The following ZP4 variants were observed in gnomAD, a reference collection of about 807,000 sequenced individuals.
ZP4 encodes zona pellucida glycoprotein 4.
Under a neutral mutation model 62.3 loss-of-function variants are expected in ZP4, and 62 were observed. That is an observed-to-expected ratio of 0.99 (90% CI 0.81 to 1.23). The LOEUF is 1.23. Among genes scored for constraint, ZP4 ranks in the 50% most tolerant of loss-of-function variants. The pLI is 0.00. For missense variants in ZP4, 774 were observed against 656.0 expected, an observed-to-expected ratio of 1.18 and a Z score of -1.97; for synonymous variants, 289 against 247.3, an observed-to-expected ratio of 1.17 and a Z score of -1.58.
At chr1:237,886,478 A>G (rs1665104875) in intron 6 of ZP4, among the ~76,000 whole-genome samples, 1 of 152,144 alleles carries the variant, frequency 6.6e-6, no homozygotes, top group Non-Finnish European at 1.5e-5. Context: ...ACAGTGGAGA[A>G]GGCCAGATGT....
In ZP4 at chr1:237,887,449, C is replaced by T. The variant is rs536187390; in HGVS notation, c.666G>A (p.Ala222=). The T allele has an allele frequency of 2.0e-5, 32 of 1,614,172 alleles. No homozygotes were observed. In the East Asian group the frequency reaches 2.0e-4, roughly 10 times the overall value. ...SVRLALRNDS[A]CNPVMATQAF... ...CTTGTGTTGCCATCACAGGGTTACA[C>T]GCACTGTCATTCCTAAGGGCCAAGC... Residue 222 remains alanine (A), a synonymous_variant, in exon 5 of 12, where the codon GCG becomes GCA. Transcript: ENST00000366570.
chr1:237,883,649 AGGGC>A (rs1664973898), intron 10 of ZP4, among the ~76,000 whole-genome samples: 2 of 6,494 alleles, frequency 3.1e-4, no homozygotes, highest in East Asian at 0.011. Flanking sequence ...AGGGCGGGGG[AGGGC>A]GGGGGAGGGC....
intron 10 of ZP4, 149 bp downstream of exon 10, chr1:237,884,620 G>A: frequency 1.5e-6 from 1 of 661,988 alleles, no homozygotes; most frequent in Non-Finnish European, 2.6e-6. Context: ...TGGGAAGCTA[G>A]TCATCTTTGT....
intron 6 of ZP4, among the ~76,000 whole-genome samples, chr1:237,886,485 A>T (rs1665105067): frequency 6.6e-6 from 1 of 152,098 alleles, no homozygotes; most frequent in Non-Finnish European, 1.5e-5. Flanking sequence ...AGAAGGCCAG[A>T]TGTAGAATGG....
chr1:237,890,675 C>A lies in ZP4; in HGVS notation c.-40G>T. 1.3e-6 allele frequency: 2 copies of A among 1,591,960 alleles called. No homozygotes were observed. The highest frequency in any genetic ancestry group is 1.7e-6 in the Non-Finnish European group (2 of 1,168,792). ...TTCCTGCCGGCTGCAGACTCTCCGCCTCCTCTCCCAAGAGCCGAGGGTCTG... is the reference window on the plus strand; with the variant it reads ...TTCCTGCCGGCTGCAGACTCTCCGCATCCTCTCCCAAGAGCCGAGGGTCTG... On this transcript the variant is annotated 5_prime_UTR_variant, in exon 1 of 12. In the 5' UTR this introduces an upstream ATG that the reference lacks. Coordinates refer to ENST00000366570, the MANE Select transcript of ZP4 (RefSeq NM_021186.5).
chr1:237,889,777 A>C, intron 3 of ZP4, 90 bp downstream of exon 3: 1 of 1,108,654 alleles, frequency 9.0e-7, no homozygotes, highest in South Asian at 1.3e-5. Flanking sequence ...GTCAGGTGTC[A>C]CTGCACAGAG....
rs1665068535 is a variant in ZP4 at position 237,885,222 on chromosome 1, G to A, written c.1254C>T (p.Ser418=). The A allele has an allele frequency of 6.2e-7, 1 of 1,614,188 alleles. No homozygotes were observed. Among genetic ancestry groups the A allele is most frequent in the Non-Finnish European group, 8.5e-7 (1 of 1,180,046 alleles). Residue 418 remains serine (S), a synonymous_variant, in exon 9 of 12, where the codon AGC becomes AGT. Coordinates refer to ENST00000366570, the MANE Select transcript of ZP4 (RefSeq NM_021186.5). The part of the protein sequence containing the change: ...LPFPSHHQRF[S]IFTFSFVNPT... ...GGTTCACAAAGCTGAAGGTGAAGATGCTGAAGCGCTGGTGGTGAGAGGGAA... is the reference window on the plus strand; with the variant it reads ...GGTTCACAAAGCTGAAGGTGAAGATACTGAAGCGCTGGTGGTGAGAGGGAA...
chr1:237,883,993 C>CAA lies in ZP4; in HGVS notation c.1390+775_1390+776insTT, dbSNP rs1400039389. The stretch of plus-strand genomic sequence containing the variant: ...ACACACACACACACAAACACACACA[C>CAA]ACACACACACACACACACACACAAA... On this transcript the variant is annotated intron_variant, in intron 10 of 11. Transcript: ENST00000366570. 1.8e-4 allele frequency among the ~76,000 whole-genome samples: 15 copies of CAA among 82,308 alleles called. 1 individual carries two copies. The highest frequency in any genetic ancestry group is 4.2e-4 in the African/African-American group (8 of 18,854). The allele number at this position is 82,308 out of a possible 152,430, so 54.0% of individuals were successfully genotyped here.
chr1:237,887,227 G>T, intron 5 of ZP4, 147 bp downstream of exon 5: 1 of 868,042 alleles, frequency 1.2e-6, no homozygotes, highest in Non-Finnish European at 1.8e-6. Flanking sequence ...TCAGTGATGA[G>T]GCATTCTCCT....
chr1:237,885,846 G>C lies in ZP4; in HGVS notation c.880C>G (p.Leu294Val), dbSNP rs1230984183. 6.2e-7 allele frequency: 1 copy of C among 1,614,078 alleles called. No individual in the cohort carries two copies. The highest frequency in any genetic ancestry group is 1.1e-5 in the South Asian group (1 of 91,086). The part of the protein sequence containing the change: ...SCSYSVSSNS[L>V]PINVQVFTLP... ...GTGAAAACCTGGACATTGATTGGGA[G>C]AGAGTTGCTACTTACTGAGTAGCTG... The change falls in exon 7 of 12, where the codon CTC becomes GTC. Residue 294 changes from leucine (L) to valine (V), a missense_variant. Leu to Val is a conservative substitution (Grantham distance 32). Transcript: ENST00000366570.
chr1:237,885,098 C>T, intron 9 of ZP4, 67 bp downstream of exon 9: 1 of 1,575,254 alleles, frequency 6.3e-7, no homozygotes, highest in Non-Finnish European at 8.6e-7. Context: ...AGTAGTAGGA[C>T]ATGGAAACAG....
chr1:237,887,233 C>T, intron 5 of ZP4, 141 bp downstream of exon 5: 1 of 949,466 alleles, frequency 1.1e-6, no homozygotes, highest in Non-Finnish European at 1.6e-6. Context: ...ATGAGGCATT[C>T]TCCTGCCCTA....
chr1:237,883,108 T>C (rs552167507), intron 10 of ZP4, among the ~76,000 whole-genome samples: 12 of 152,322 alleles, frequency 7.9e-5, no homozygotes, highest in African/African-American at 2.9e-4. Context: ...ACTTTGACAG[T>C]ATCATGTTTA....
chr1:237,883,929 C>T (rs184597390), intron 10 of ZP4, among the ~76,000 whole-genome samples: 5 of 150,662 alleles, frequency 3.3e-5, no homozygotes, highest in African/African-American at 1.2e-4. Context: ...CATTGTACTC[C>T]AACCTGCATG....
chr1:237,889,973 G>A lies in ZP4; in HGVS notation c.298-4C>T. ...CTGGCATGATGTAGTGGGAGTCCTG[G>A]AGAGACAGGCCCTTGGGGGTCAGCC... On this transcript the variant is annotated splice_polypyrimidine_tract_variant and splice_region_variant and intron_variant, in intron 2 of 11. Coordinates refer to ENST00000366570, the MANE Select transcript of ZP4 (RefSeq NM_021186.5). 1 of 1,614,140 alleles carries A rather than the reference G, an allele frequency of 6.2e-7. No homozygotes were observed. Among genetic ancestry groups the A allele is most frequent in the Non-Finnish European group, 8.5e-7 (1 of 1,180,020 alleles).
At chr1:237,884,945 GA>G (rs1280853154) in intron 9 of ZP4, 98 bp from the exon 10 acceptor site, 12 of 1,368,552 alleles carry the variant, frequency 8.8e-6, no homozygotes, top group Non-Finnish European at 1.2e-5. Flanking sequence ...GAAGTTATCA[GA>G]AAATTGATAT....
At position 237,887,368 on chromosome 1, in the gene ZP4, GCTCACCTGT is replaced by G. The variant is rs1665128118; in HGVS notation, c.738_741+5del. The G allele has an allele frequency of 1.2e-6, 2 of 1,612,920 alleles. No homozygotes were observed. The highest frequency in any genetic ancestry group is 1.7e-4 in the Middle Eastern group (1 of 6,052). ...CCAGAGCCAGGAACAAAGCCCAACT[GCTCACCTGT>G]CTTGTGGTGCCACAGGAAGTAAATG... On this transcript the variant is annotated splice_donor_variant and splice_donor_5th_base_variant and coding_sequence_variant and intron_variant, in exon 5 of 12. Coordinates refer to ENST00000366570, the MANE Select transcript of ZP4 (RefSeq NM_021186.5). LOFTEE classifies it high-confidence loss of function.
At chr1:237,885,991 T>C in intron 6 of ZP4, 105 bp from the exon 7 acceptor site, 1 of 1,484,252 alleles carries the variant, frequency 6.7e-7, no homozygotes, top group Admixed American at 1.9e-5. Flanking sequence ...GACAAGTTTA[T>C]AAGTGTGATG....
At chr1:237,883,983 AACACACACACACACACACAC>A (rs1173733667) in intron 10 of ZP4, among the ~76,000 whole-genome samples, 5 of 42,402 alleles carry the variant, frequency 1.2e-4, no homozygotes, top group African/African-American at 3.6e-4. Context: ...CACACACACA[AACACACACACACACACACAC>A]ACACACACAC....
Sources: allele counts gnomAD v4.1 joint callset (sites outside exome capture counted in the v4.1 genomes callset), GRCh38; gene constraint gnomAD v4.1.1; transcripts MANE v1.5; gene names NCBI Gene and HGNC (gene_info 2026-07-23, HGNC 2026-07-21).